The following PDE7B variants were observed in gnomAD, a reference collection of about 807,000 sequenced individuals.
PDE7B encodes the protein 3',5'-cyclic-AMP phosphodiesterase 7B.
Under a neutral mutation model 56.2 loss-of-function variants are expected in PDE7B, and 29 were observed. The observed-to-expected ratio is 0.52, with a 90% CI of 0.38 to 0.70. The LOEUF is 0.70. Among genes scored for constraint, PDE7B ranks in the 30% least tolerant of loss-of-function variants. The pLI is 0.00. For synonymous variants in PDE7B, 197 were observed against 196.9 expected, an observed-to-expected ratio of 1.00 and a Z score of 0.00; for missense variants, 490 against 565.0, an observed-to-expected ratio of 0.87 and a Z score of 1.35.
chr6:136,122,468 T>C (rs1005126657), intron 3 of PDE7B, among the ~76,000 whole-genome samples: 3 of 152,190 alleles, frequency 2.0e-5, no homozygotes, highest in Non-Finnish European at 2.9e-5. Context: ...ACATTCCCTC[T>C]TCAATCCCCT....
At chr6:136,137,816 C>A (rs1263491318) in intron 3 of PDE7B, among the ~76,000 whole-genome samples, 1 of 152,032 alleles carries the variant, frequency 6.6e-6, no homozygotes, top group Non-Finnish European at 1.5e-5. Context: ...AATTACTGTA[C>A]CAGCAGTGCC....
intron 2 of PDE7B, among the ~76,000 whole-genome samples, chr6:136,057,624 T>G (rs1391571803): frequency 1.3e-5 from 2 of 152,238 alleles, no homozygotes; most frequent in Non-Finnish European, 2.9e-5. Context: ...TTCTGATTTT[T>G]GAGTTGTCAA....
At chr6:136,004,710 A>C (rs1775743995) in intron 2 of PDE7B, among the ~76,000 whole-genome samples, 1 of 152,214 alleles carries the variant, frequency 6.6e-6, no homozygotes, top group Non-Finnish European at 1.5e-5. Flanking sequence ...AAGAGGATAC[A>C]AACAAGTGGA....
rs552026027 is a variant in PDE7B, at chr6:135,942,387, A to G, written c.22-5077A>G. Reference sequence around the variant, plus strand: ...TTTAAATGGCAAATTAAAATTATATATATCTATTGTGTACAGCATGATGCT... The same window carrying G: ...TTTAAATGGCAAATTAAAATTATATGTATCTATTGTGTACAGCATGATGCT... On this transcript the variant is annotated intron_variant, in intron 1 of 12. Transcript: ENST00000308191. 7.4e-4 allele frequency among the ~76,000 whole-genome samples: 112 copies of G among 152,278 alleles called. 2 individuals are homozygous for G. Among genetic ancestry groups the G allele is most frequent in the South Asian group, 7.1e-3 (34 of 4,812 alleles).
intron 1 of PDE7B, among the ~76,000 whole-genome samples, chr6:135,946,194 T>C (rs1774593255): frequency 6.6e-6 from 1 of 151,660 alleles, no homozygotes; most frequent in Admixed American, 6.6e-5. Context: ...TTAAACATTA[T>C]ATATGTCTTA....
intron 2 of PDE7B, among the ~76,000 whole-genome samples, chr6:136,079,514 T>C (rs1420336148): frequency 6.6e-6 from 1 of 152,008 alleles, no homozygotes; most frequent in Non-Finnish European, 1.5e-5. Context: ...TACAGAATGG[T>C]TTCATCATCA....
intron 8 of PDE7B, among the ~76,000 whole-genome samples, chr6:136,160,253 A>G (rs509342): frequency 0.74 from 112,275 of 152,066 alleles, 42,743 homozygotes; most frequent in African/African-American, 0.94. Flanking sequence ...AGACAGACAT[A>G]GTACCTGATG....
chr6:136,149,015 C>A, intron 4 of PDE7B, 72 bp from the exon 5 acceptor site: 1 of 1,064,776 alleles, frequency 9.4e-7, no homozygotes, highest in Non-Finnish European at 1.5e-6. Flanking sequence ...GTTTAATCCA[C>A]TATATCCCAA....
At chr6:135,935,983 A>G (rs1482042114) in intron 1 of PDE7B, among the ~76,000 whole-genome samples, 1 of 152,186 alleles carries the variant, frequency 6.6e-6, no homozygotes, top group Non-Finnish European at 1.5e-5. Context: ...GTTAAACAAC[A>G]TGCCCTTCTC....
intron 3 of PDE7B, among the ~76,000 whole-genome samples, chr6:136,139,126 G>A (rs558661594): frequency 3.3e-5 from 5 of 151,922 alleles, no homozygotes; most frequent in Middle Eastern, 3.4e-3. Context: ...CCCTTCCCCC[G>A]ACGCCACAAC....
chr6:136,129,823 G>A (rs559623132), intron 3 of PDE7B, among the ~76,000 whole-genome samples: 7 of 152,294 alleles, frequency 4.6e-5, no homozygotes, highest in African/African-American at 1.7e-4. Context: ...TTCAGACACA[G>A]CAATTAAACT....
intron 1 of PDE7B, among the ~76,000 whole-genome samples, chr6:135,918,173 G>C (rs1467254343): frequency 6.6e-6 from 1 of 152,164 alleles, no homozygotes; most frequent in South Asian, 2.1e-4. Flanking sequence ...TTCCTCCTCA[G>C]GTCAGCAAGA....
At chr6:136,097,456 A>G (rs1336109133) in intron 2 of PDE7B, among the ~76,000 whole-genome samples, 1 of 152,010 alleles carries the variant, frequency 6.6e-6, no homozygotes, top group Admixed American at 6.6e-5. Flanking sequence ...ACACATCTCT[A>G]AAACCTATTC....
At chr6:136,004,285 A>G (rs1348365244) in intron 2 of PDE7B, among the ~76,000 whole-genome samples, 1 of 152,208 alleles carries the variant, frequency 6.6e-6, no homozygotes, top group Non-Finnish European at 1.5e-5. Context: ...CCCTTTGAAA[A>G]CGGGCACAAG....
chr6:136,023,438 G>A lies in PDE7B; in HGVS notation c.82+75914G>A, dbSNP rs544681367. On this transcript the variant is annotated intron_variant, in intron 2 of 12. Transcript: ENST00000308191. ...TATCTAAAGCTTTCATGTAGCAAAG[G>A]GGCCACCAAATCTCTGAAGTTGTCC... Among the ~76,000 whole-genome samples, 45 of 152,234 alleles carry A rather than the reference G, an allele frequency of 3.0e-4. No individual in the cohort carries two copies. In the South Asian group the frequency reaches 8.9e-3, roughly 30 times the overall value.
chr6:136,062,482 G>A (rs141160651), intron 2 of PDE7B, among the ~76,000 whole-genome samples: 22 of 152,216 alleles, frequency 1.4e-4, no homozygotes, highest in Admixed American at 5.9e-4. Flanking sequence ...GTGACATAAT[G>A]CATTATTATT....
intron 2 of PDE7B, among the ~76,000 whole-genome samples, chr6:135,979,812 C>T (rs1775261777): frequency 6.6e-6 from 1 of 152,158 alleles, no homozygotes; most frequent in Admixed American, 6.5e-5. Context: ...AATGGAAGAA[C>T]ATTCTATACT....
At chr6:136,177,376 A>G (rs997334178) in intron 9 of PDE7B, among the ~76,000 whole-genome samples, 2 of 152,204 alleles carry the variant, frequency 1.3e-5, no homozygotes, top group African/African-American at 4.8e-5. Context: ...CAGCTAAAAG[A>G]CAAACCACAG....
chr6:135,983,892 G>T (rs947715268), intron 2 of PDE7B, among the ~76,000 whole-genome samples: 2 of 152,220 alleles, frequency 1.3e-5, no homozygotes, highest in East Asian at 3.9e-4. Flanking sequence ...GTTTACTCAG[G>T]TTTCTTCATT....
Sources: gnomAD v4.1 joint callset for allele counts (sites outside exome capture counted in the v4.1 genomes callset) on GRCh38, gnomAD v4.1.1 for gene constraint, MANE v1.5 for transcripts, NCBI Gene and HGNC (gene_info 2026-07-23, HGNC 2026-07-21) for gene names.